The following BMERB1 variants were observed in gnomAD, a reference collection of about 807,000 sequenced individuals.
The protein encoded by BMERB1 is bMERB domain-containing protein 1.
BMERB1 carries 12 observed loss-of-function variants against 23.6 expected under a neutral mutation model. The observed-to-expected ratio is 0.51, with a 90% confidence interval of 0.33 to 0.82. The LOEUF is 0.82. BMERB1 is among the 40% of genes least tolerant of loss of function. The pLI, the probability that BMERB1 is intolerant of heterozygous loss-of-function variation, is 0.03. For synonymous variants in BMERB1, 122 were observed against 96.6 expected (o/e 1.26, Z -1.54); for missense variants, 247 against 255.4 (o/e 0.97, Z 0.22).
intron 1 of BMERB1, among the ~76,000 whole-genome samples, chr16:15,465,497 C>T (rs2051173544): frequency 6.6e-6 from 1 of 151,844 alleles, no homozygotes; most frequent in Non-Finnish European, 1.5e-5. Flanking sequence ...GGATTACAGG[C>T]ACCCACCACC....
At chr16:15,449,776 C>T (rs1447980582) in intron 1 of BMERB1, among the ~76,000 whole-genome samples, 4 of 151,928 alleles carry the variant, frequency 2.6e-5, no homozygotes, top group Non-Finnish European at 4.4e-5. Flanking sequence ...GAACTCCTGA[C>T]TTCAGGTGAT....
intron 1 of BMERB1, among the ~76,000 whole-genome samples, chr16:15,491,036 G>A (rs1331797058): frequency 6.6e-6 from 1 of 151,966 alleles, no homozygotes; most frequent in Admixed American, 6.6e-5. Context: ...TTTTTGTAGA[G>A]ATGAGGTCTT....
chr16:15,438,391 C>T (rs2050907004), intron 1 of BMERB1, among the ~76,000 whole-genome samples: 1 of 151,620 alleles, frequency 6.6e-6, no homozygotes, highest in African/African-American at 2.4e-5. Context: ...CTGGCGAAAG[C>T]TGAAATTCTT....
chr16:15,506,838 T>G (rs970642511), intron 1 of BMERB1, among the ~76,000 whole-genome samples: 1 of 152,214 alleles, frequency 6.6e-6, no homozygotes, highest in African/African-American at 2.4e-5. Context: ...AATTAAAGCC[T>G]TCTCTGGCAA....
At chr16:15,444,409 A>G (rs376886264) in intron 1 of BMERB1, among the ~76,000 whole-genome samples, 3 of 151,830 alleles carry the variant, frequency 2.0e-5, no homozygotes, top group African/African-American at 7.3e-5. Flanking sequence ...ACTGTGGTCC[A>G]TTTCTTCCTC....
intron 3 of BMERB1, among the ~76,000 whole-genome samples, chr16:15,573,612 A>C (rs1232109749): frequency 6.6e-6 from 1 of 152,056 alleles, no homozygotes; most frequent in African/African-American, 2.4e-5. Flanking sequence ...AAAATACCTC[A>C]AGCATTGATC....
At chr16:15,528,191 A>T (rs1025098013) in intron 2 of BMERB1, among the ~76,000 whole-genome samples, 5 of 152,156 alleles carry the variant, frequency 3.3e-5, no homozygotes, top group Admixed American at 2.0e-4. Flanking sequence ...CAAGATGAAG[A>T]TGCCAGCAGA....
intron 1 of BMERB1, among the ~76,000 whole-genome samples, chr16:15,503,534 G>A (rs997573953): frequency 2.0e-5 from 3 of 150,172 alleles, no homozygotes; most frequent in South Asian, 2.1e-4. Flanking sequence ...TCCTGACCTC[G>A]TGATCCATCC....
chr16:15,459,947 C>G (rs1039501707), intron 1 of BMERB1, among the ~76,000 whole-genome samples: 2 of 152,172 alleles, frequency 1.3e-5, no homozygotes, highest in African/African-American at 2.4e-5. Context: ...TCTCAATTCT[C>G]TTTTCCTTTA....
At chr16:15,529,861 G>A (rs2150958904) in intron 2 of BMERB1, among the ~76,000 whole-genome samples, 1 of 152,230 alleles carries the variant, frequency 6.6e-6, no homozygotes, top group Middle Eastern at 3.4e-3. Context: ...ATTTTCCTGT[G>A]GCTACTGTAA....
intron 3 of BMERB1, among the ~76,000 whole-genome samples, chr16:15,578,820 C>T (rs552160457): frequency 3.9e-4 from 59 of 152,236 alleles, no homozygotes; most frequent in African/African-American, 1.4e-3. Flanking sequence ...TCCCAAAGGC[C>T]TCATTTCTTA....
At chr16:15,439,742 A>G (rs998802559) in intron 1 of BMERB1, among the ~76,000 whole-genome samples, 2 of 152,198 alleles carry the variant, frequency 1.3e-5, no homozygotes. Flanking sequence ...TTAGATATAT[A>G]AAAATACTGC....
chr16:15,460,459 C>G (rs1424484401), intron 1 of BMERB1, among the ~76,000 whole-genome samples: 3 of 152,090 alleles, frequency 2.0e-5, no homozygotes, highest in East Asian at 3.9e-4. Context: ...AAATCACCCT[C>G]TTTTTCATCT....
intron 1 of BMERB1, among the ~76,000 whole-genome samples, chr16:15,483,591 G>C (rs923886666): frequency 1.3e-5 from 2 of 152,084 alleles, no homozygotes; most frequent in Non-Finnish European, 2.9e-5. Flanking sequence ...TGTTGGCCAG[G>C]CTGGTCTCGA....
intron 2 of BMERB1, among the ~76,000 whole-genome samples, chr16:15,561,951 G>A (rs956843127): frequency 4.6e-5 from 7 of 151,694 alleles, no homozygotes; most frequent in African/African-American, 1.7e-4. Flanking sequence ...TAGGTCCCAG[G>A]CACTGTGCTT....
intron 2 of BMERB1, among the ~76,000 whole-genome samples, chr16:15,520,954 C>G (rs764233576): frequency 9.2e-5 from 14 of 152,134 alleles, no homozygotes; most frequent in Non-Finnish European, 1.2e-4. Flanking sequence ...GATGAGATAC[C>G]AGACCCCTCA....
chr16:15,499,228 T>G (rs1237276229), intron 1 of BMERB1, among the ~76,000 whole-genome samples: 3 of 151,996 alleles, frequency 2.0e-5, no homozygotes, highest in African/African-American at 4.8e-5. Context: ...TGAAACTCTG[T>G]CTCTACCAAA....
At chr16:15,563,530 T>A (rs1266118779) in intron 2 of BMERB1, among the ~76,000 whole-genome samples, 12 of 151,750 alleles carry the variant, frequency 7.9e-5, no homozygotes, top group African/African-American at 1.5e-4. Context: ...GAAAAAAAAA[T>A]TTTTAAACAG....
At chr16:15,580,328 T>A (rs2030976108) in intron 3 of BMERB1, among the ~76,000 whole-genome samples, 1 of 152,056 alleles carries the variant, frequency 6.6e-6, no homozygotes, top group South Asian at 2.1e-4. Context: ...GGTCTTGAAC[T>A]CCTGGCCTCA....
Sources: allele counts gnomAD v4.1 joint callset (sites outside exome capture counted in the v4.1 genomes callset), GRCh38; gene constraint gnomAD v4.1.1; transcripts MANE v1.5; gene names NCBI Gene and HGNC (gene_info 2026-07-23, HGNC 2026-07-21).